Variants in CCDC38 observed in about 807,000 individuals in gnomAD.
The protein encoded by CCDC38 is coiled-coil domain-containing protein 38.
Under a neutral mutation model 72.8 loss-of-function variants are expected in CCDC38, and 69 were observed. The ratio of observed to expected loss-of-function variants is 0.95; its 90% CI spans 0.78 to 1.16. CCDC38 has a LOEUF of 1.16. CCDC38 is among the 50% of genes most tolerant of loss of function. The probability of loss-of-function intolerance (pLI) is 0.00; values close to 1 mark genes in which losing one functional copy is unlikely to be tolerated. For missense variants in CCDC38, 626 were observed against 638.9 expected (o/e 0.98, Z 0.22); for synonymous variants, 201 against 213.2 (o/e 0.94, Z 0.50).
intron 4 of CCDC38, among the ~76,000 whole-genome samples, chr12:95,916,375 G>GCCTT (rs1432630349): frequency 5.4e-5 from 6 of 112,058 alleles, no homozygotes; most frequent in African/African-American, 1.4e-4. Flanking sequence ...TAAGTTGCCT[G>GCCTT]CCTGCCTTCC....
At chr12:95,875,083 A>C (rs1156556604) in intron 13 of CCDC38, among the ~76,000 whole-genome samples, 1 of 152,250 alleles carries the variant, frequency 6.6e-6, no homozygotes, top group Non-Finnish European at 1.5e-5. Context: ...AACAACATGG[A>C]TGAGTCTCAC....
chr12:95,909,147 C>G (rs1329687885), intron 4 of CCDC38, among the ~76,000 whole-genome samples: 1 of 151,980 alleles, frequency 6.6e-6, no homozygotes, highest in Non-Finnish European at 1.5e-5. Context: ...GATTGACAGA[C>G]CACTAGCTAG....
At chr12:95,890,265 T>G (rs1036799245) in intron 9 of CCDC38, among the ~76,000 whole-genome samples, 2 of 152,176 alleles carry the variant, frequency 1.3e-5, no homozygotes, top group African/African-American at 4.8e-5. Flanking sequence ...ACCAAAACAC[T>G]GGGGCCAGAT....
intron 2 of CCDC38, among the ~76,000 whole-genome samples, chr12:95,924,714 G>C (rs1310639375): frequency 6.6e-6 from 1 of 151,236 alleles, no homozygotes; most frequent in Admixed American, 6.6e-5. Context: ...ATTAATTTTT[G>C]TATAAGGGGT....
At position 95,928,185 on chromosome 12, in the gene CCDC38, G is replaced by A. The variant is rs566097126; in HGVS notation, c.37+8288C>T. Among the ~76,000 whole-genome samples the A allele has an allele frequency of 4.1e-3, 623 of 152,034 alleles. 6 individuals carry two copies. The highest frequency in any genetic ancestry group is 0.014 in the African/African-American group (561 of 41,474). On this transcript the variant is annotated intron_variant, in intron 2 of 15. Transcript: ENST00000344280. ...TCACTTTCAGGTACACCAATCAGAC[G>A]TAGATTTGGTCTTTTCACATAGTCC... is the stretch of plus-strand genomic sequence containing the variant.
chr12:95,921,758 ATAG>A (rs2080211869), intron 2 of CCDC38, among the ~76,000 whole-genome samples: 1 of 151,854 alleles, frequency 6.6e-6, no homozygotes, highest in South Asian at 2.1e-4. Context: ...AGATAGGAAG[ATAG>A]GAAGAGGATT....
intron 3 of CCDC38, 109 bp from the exon 4 acceptor site, chr12:95,917,403 A>C: frequency 1.2e-6 from 1 of 855,026 alleles, no homozygotes; most frequent in Non-Finnish European, 1.7e-6. Flanking sequence ...CTTAACATTA[A>C]AAAAACAACC....
At chr12:95,891,292 A>G (rs1220367923) in intron 8 of CCDC38, among the ~76,000 whole-genome samples, 1 of 152,180 alleles carries the variant, frequency 6.6e-6, no homozygotes, top group Non-Finnish European at 1.5e-5. Context: ...TGACAGACTT[A>G]ACTAGTTTCT....
chr12:95,920,177 G>A (rs1157093408), intron 2 of CCDC38, among the ~76,000 whole-genome samples: 1 of 152,136 alleles, frequency 6.6e-6, no homozygotes, highest in Non-Finnish European at 1.5e-5. Flanking sequence ...GGGACTCAAT[G>A]GAAAGTAATT....
chr12:95,925,979 C>T (rs1441836535), intron 2 of CCDC38, among the ~76,000 whole-genome samples: 5 of 127,618 alleles, frequency 3.9e-5, no homozygotes, highest in African/African-American at 1.5e-4. Flanking sequence ...CAATGTTCAT[C>T]AAGGATATTG....
intron 5 of CCDC38, among the ~76,000 whole-genome samples, chr12:95,902,558 C>A (rs2079961002): frequency 6.6e-6 from 1 of 152,076 alleles, no homozygotes. Flanking sequence ...TAACTAATTC[C>A]TTTTTATTGC....
At chr12:95,891,995 A>G (rs1340546229) in intron 8 of CCDC38, among the ~76,000 whole-genome samples, 1 of 151,252 alleles carries the variant, frequency 6.6e-6, no homozygotes, top group East Asian at 1.9e-4. Context: ...CCTGCACTGC[A>G]TCCTGGAAAC....
chr12:95,878,190 C>G, intron 13 of CCDC38, 21 bp downstream of exon 13: 1 of 1,610,888 alleles, frequency 6.2e-7, no homozygotes, highest in South Asian at 1.1e-5. Context: ...ATGAAATCAC[C>G]ATAGGCAAAG....
chr12:95,931,145 G>A (rs561239347), intron 2 of CCDC38, among the ~76,000 whole-genome samples: 1 of 152,248 alleles, frequency 6.6e-6, no homozygotes, highest in South Asian at 2.1e-4. Flanking sequence ...TCAGGATGTT[G>A]ATAGAGCTGT....
At chr12:95,908,211 G>GCA (rs778417137) in intron 4 of CCDC38, among the ~76,000 whole-genome samples, 36 of 151,680 alleles carry the variant, frequency 2.4e-4, no homozygotes, top group Admixed American at 4.6e-4. Flanking sequence ...TGCAATCCCG[G>GCA]CACCTCGGGA....
chr12:95,884,849 G>T (rs2079739418), intron 10 of CCDC38, among the ~76,000 whole-genome samples: 1 of 152,184 alleles, frequency 6.6e-6, no homozygotes, highest in South Asian at 2.1e-4. Context: ...GATTAAGTCT[G>T]CAAAGGTGTA....
At chr12:95,903,719 G>T in intron 5 of CCDC38, 1 of 374,236 alleles carries the variant, frequency 2.7e-6, no homozygotes, top group Non-Finnish European at 4.8e-6. Flanking sequence ...AATTACTTTT[G>T]TATTCTTAGA....
rs749825812 is a variant in CCDC38 at position 95,941,517 on chromosome 12, A to G, written c.-15+914T>C. Reference sequence around the variant, plus strand: ...GAAATTCCCCAAGGTCAAACAGCTTATAGGAAACAGAACTCAGACTAAGAC... The same window carrying G: ...GAAATTCCCCAAGGTCAAACAGCTTGTAGGAAACAGAACTCAGACTAAGAC... On this transcript the variant is annotated intron_variant, in intron 1 of 15. Coordinates refer to ENST00000344280, the MANE Select transcript of CCDC38 (RefSeq NM_182496.3). Among the ~76,000 whole-genome samples the G allele has an allele frequency of 6.6e-5, 10 of 152,214 alleles. 1 individual carries two copies. Among genetic ancestry groups the G allele is most frequent in the Non-Finnish European group, 1.0e-4 (7 of 68,032 alleles).
Position 95,888,581 on chromosome 12 carries a change from G to A in CCDC38, c.872-75C>T, listed in dbSNP as rs895873596. ...AAAGAAATAACATGGAATTAGAAAT[G>A]AGCCCGTGCACTTGGTGCAAGGTAT... On this transcript the variant is annotated intron_variant, in intron 9 of 15. Transcript: ENST00000344280. The A allele has an allele frequency of 4.4e-6, 6 of 1,373,768 alleles. No homozygotes were observed. The African/African-American group carries it at 5.7e-5, about 13-fold the overall frequency. 85.1% of individuals were successfully genotyped at this position (1,373,768 alleles called of 1,614,324 possible).
Sources: allele counts gnomAD v4.1 joint callset (sites outside exome capture counted in the v4.1 genomes callset), GRCh38; gene constraint gnomAD v4.1.1; transcripts MANE v1.5; gene names NCBI Gene and HGNC (gene_info 2026-07-23, HGNC 2026-07-21).